CNTN4: variants seen among roughly 807,000 people sequenced by gnomAD.
CNTN4 encodes contactin-4.
In CNTN4, 77 loss-of-function variants were observed where a neutral mutation model predicts 122.5. The ratio of observed to expected loss-of-function variants is 0.63; its 90% CI spans 0.52 to 0.76. The LOEUF is 0.76. Among genes scored for constraint, CNTN4 ranks in the 30% least tolerant of loss-of-function variants. CNTN4 has a pLI of 0.00. For missense variants in CNTN4, 1,256 were observed against 1,259.1 expected, an observed-to-expected ratio of 1.00 and a Z score of 0.04; for synonymous variants, 512 against 447.0, an observed-to-expected ratio of 1.15 and a Z score of -1.83.
chr3:2,880,663 G>A (rs984915180), intron 8 of CNTN4, among the ~76,000 whole-genome samples: 4 of 152,174 alleles, frequency 2.6e-5, no homozygotes, highest in African/African-American at 7.2e-5. Flanking sequence ...TTTTGTAACC[G>A]AACATGTCAA....
intron 2 of CNTN4, among the ~76,000 whole-genome samples, chr3:2,133,303 T>G (rs1446976755): frequency 6.6e-6 from 1 of 152,232 alleles, no homozygotes; most frequent in African/African-American, 2.4e-5. Flanking sequence ...AAAGTCTCTT[T>G]TCCCAAGTAA....
intron 16 of CNTN4, 82 bp downstream of exon 16, chr3:3,031,057 G>A: frequency 6.3e-7 from 1 of 1,577,084 alleles, no homozygotes; most frequent in Non-Finnish European, 8.7e-7. Flanking sequence ...AACCTCAGTG[G>A]TTTAGAATTA....
chr3:2,375,571 T>C (rs2150706845), intron 3 of CNTN4, among the ~76,000 whole-genome samples: 1 of 152,294 alleles, frequency 6.6e-6, no homozygotes. Flanking sequence ...AGGCAGGTGA[T>C]TGCCTAAACA....
At chr3:2,375,472 A>T (rs571326570) in intron 3 of CNTN4, among the ~76,000 whole-genome samples, 1 of 152,290 alleles carries the variant, frequency 6.6e-6, no homozygotes, top group East Asian at 1.9e-4. Context: ...ACTCCATAAT[A>T]TGACAGCCTA....
chr3:2,193,763 T>C (rs2037702516), intron 2 of CNTN4, among the ~76,000 whole-genome samples: 1 of 152,206 alleles, frequency 6.6e-6, no homozygotes, highest in African/African-American at 2.4e-5. Flanking sequence ...ATACTGTATT[T>C]TTACTGTATC....
At chr3:2,446,557 A>C (rs957375648) in intron 3 of CNTN4, among the ~76,000 whole-genome samples, 1 of 152,164 alleles carries the variant, frequency 6.6e-6, no homozygotes, top group African/African-American at 2.4e-5. Context: ...CTCATCTTCC[A>C]GTACATTATC....
At chr3:2,911,122 A>C (rs57910142) in intron 12 of CNTN4, among the ~76,000 whole-genome samples, 1 of 137,302 alleles carries the variant, frequency 7.3e-6, no homozygotes, top group Non-Finnish European at 1.7e-5. Flanking sequence ...AGTACTACCT[A>C]AGGGAGTGGT....
chr3:2,601,632 G>C (rs978317777), intron 4 of CNTN4, among the ~76,000 whole-genome samples: 1 of 152,118 alleles, frequency 6.6e-6, no homozygotes, highest in Non-Finnish European at 1.5e-5. Context: ...TTTGAAGTCA[G>C]GTAGCGTGAT....
intron 2 of CNTN4, among the ~76,000 whole-genome samples, chr3:2,325,866 C>A (rs1575378877): frequency 1.3e-5 from 2 of 152,084 alleles, no homozygotes; most frequent in African/African-American, 4.8e-5. Context: ...GAGGTGTATG[C>A]TTTATTTTCT....
intron 4 of CNTN4, among the ~76,000 whole-genome samples, chr3:2,605,874 T>A (rs185843586): frequency 6.6e-6 from 1 of 152,206 alleles, no homozygotes; most frequent in Admixed American, 6.5e-5. Flanking sequence ...ATAATTCGAA[T>A]AATAATTTTA....
chr3:2,404,841 A>G (rs754577286), intron 3 of CNTN4, among the ~76,000 whole-genome samples: 1 of 152,084 alleles, frequency 6.6e-6, no homozygotes, highest in African/African-American at 2.4e-5. Flanking sequence ...TACCCCCAAA[A>G]TCATGTTGTT....
At chr3:2,670,167 G>A (rs1312385253) in intron 4 of CNTN4, among the ~76,000 whole-genome samples, 1 of 152,136 alleles carries the variant, frequency 6.6e-6, no homozygotes, top group East Asian at 1.9e-4. Flanking sequence ...CTGTCTCATT[G>A]ATCTGTCTAA....
intron 12 of CNTN4, among the ~76,000 whole-genome samples, chr3:2,916,235 G>A (rs1356794617): frequency 6.7e-6 from 1 of 149,152 alleles, no homozygotes; most frequent in Non-Finnish European, 1.5e-5. Context: ...GATCATTCTT[G>A]GGTGTTTCTC....
rs118058157 is a variant in CNTN4 at position 2,475,315 on chromosome 3, C to G, written c.-88-96101C>G. Among the ~76,000 whole-genome samples the G allele has an allele frequency of 9.8e-4, 149 of 152,238 alleles. 7 individuals are homozygous for G. The East Asian group carries it at 0.022, about 22-fold the overall frequency. On this transcript the variant is annotated intron_variant, in intron 3 of 24. Coordinates refer to ENST00000418658, the MANE Select transcript of CNTN4 (RefSeq NM_175607.3). ...TAGTTCTTTAAACTAAAGCACTAAC[C>G]TCTTTTACACCAAAGTTAATATCCC...
rs533402973 is a variant in CNTN4, at chr3:2,417,113, T to C, written c.-89+77880T>C. Among the ~76,000 whole-genome samples, 8 of 152,350 alleles carry C rather than the reference T, an allele frequency of 5.3e-5. No homozygotes were observed. In the East Asian group the frequency reaches 5.8e-4, roughly 11 times the overall value. On this transcript the variant is annotated intron_variant, in intron 3 of 24. Transcript: ENST00000418658. ...GCTGCCCGCTCCCTTCAGGTACTTA[T>C]CTGTCCTGGACCAGACAGAAGCACA...
intron 3 of CNTN4, among the ~76,000 whole-genome samples, chr3:2,439,027 C>G (rs2048345966): frequency 6.6e-6 from 1 of 152,156 alleles, no homozygotes; most frequent in Non-Finnish European, 1.5e-5. Context: ...CCCTGCTTCT[C>G]AACTACCATA....
chr3:2,778,901 G>A (rs748906856), intron 6 of CNTN4, among the ~76,000 whole-genome samples: 9 of 152,236 alleles, frequency 5.9e-5, no homozygotes, highest in Non-Finnish European at 1.3e-4. Context: ...TATTCCCAGG[G>A]CTGTAATGCT....
chr3:2,357,141 T>C (rs2044906332), intron 3 of CNTN4, among the ~76,000 whole-genome samples: 1 of 152,168 alleles, frequency 6.6e-6, no homozygotes, highest in Non-Finnish European at 1.5e-5. Context: ...GATTTTGCAT[T>C]TCTAACCAAG....
chr3:2,522,202 A>G (rs1008622668), intron 3 of CNTN4, among the ~76,000 whole-genome samples: 1 of 151,324 alleles, frequency 6.6e-6, no homozygotes, highest in Non-Finnish European at 1.5e-5. Context: ...AATAATTAAT[A>G]TGAAAGATAT....
Sources: allele counts gnomAD v4.1 joint callset (sites outside exome capture counted in the v4.1 genomes callset), GRCh38; gene constraint gnomAD v4.1.1; transcripts MANE v1.5; gene names NCBI Gene and HGNC (gene_info 2026-07-23, HGNC 2026-07-21).